OR8J3: variants seen among roughly 807,000 people sequenced by gnomAD.
OR8J3 encodes olfactory receptor family 8 subfamily J member 3.
For missense variants in OR8J3, 418 were observed against 379.8 expected, an observed-to-expected ratio of 1.10 and a Z score of -0.84; for synonymous variants, 170 against 142.6, an observed-to-expected ratio of 1.19 and a Z score of -1.37.
chr11:56,135,555 T>C lies in OR8J3; in HGVS notation c.*1216A>G, dbSNP rs1854322423. On this transcript the variant is annotated 3_prime_UTR_variant, in exon 2 of 2. Transcript: ENST00000642058. The stretch of plus-strand genomic sequence containing the variant: ...GTGTTTTGTTTCCTTTTTAATATTA[T>C]AATTATTCATATCATTCATAATTAT... 1 of 151,992 alleles carries C rather than the reference T, an allele frequency of 6.6e-6. No individual in the cohort carries two copies. The highest frequency in any genetic ancestry group is 6.6e-5 in the Admixed American group (1 of 15,264). The allele number at this position is 151,992 out of a possible 1,614,324, so 9.4% of individuals were successfully genotyped here.
In OR8J3 at chr11:56,137,661, A is replaced by C; in HGVS notation, c.58T>G (p.Cys20Gly). 1 of 1,613,472 alleles carries C rather than the reference A, an allele frequency of 6.2e-7. No individual in the cohort carries two copies. Among genetic ancestry groups the C allele is most frequent in the Non-Finnish European group, 8.5e-7 (1 of 1,179,816 alleles). Residue 20 changes from cysteine (C) to glycine (G), a missense_variant, in exon 2 of 2, where the codon TGT (cysteine) becomes GGT (glycine). Transcript: ENST00000642058. ...AAGAGGGGAATCTGGAGCTCTGGAC[A>C]GCTAGAGACACCTGTGAGAATAAAC... is the stretch of plus-strand genomic sequence containing the variant. ...TEFILTGVSS[C>G]PELQIPLFLV...
In OR8J3 at chr11:56,138,359, T is replaced by G. The variant is rs181894776; in HGVS notation, c.-641A>C. ...CAGGTAGCTGTTTCTCTTCTTAGGT[T>G]TCCATAAATAATATCAGTAAAATTT... On this transcript the variant is annotated 5_prime_UTR_variant, in exon 2 of 2. Coordinates refer to ENST00000642058, the MANE Select transcript of OR8J3 (RefSeq NM_001004064.2). 1.3e-5 allele frequency: 2 copies of G among 152,246 alleles called. No individual in the cohort carries two copies. The highest frequency in any genetic ancestry group is 3.9e-4 in the East Asian group (2 of 5,178). 9.4% of individuals were successfully genotyped at this position (152,246 alleles called of 1,614,324 possible). A position where few individuals can be genotyped will look rare whatever the true frequency, so the allele number is the denominator to read the frequency against.
chr11:56,138,180 C>G lies in OR8J3; in HGVS notation c.-462G>C, dbSNP rs1854354469. On this transcript the variant is annotated 5_prime_UTR_variant, in exon 2 of 2. Coordinates refer to ENST00000642058, the MANE Select transcript of OR8J3 (RefSeq NM_001004064.2). ...CTTTGCCTCAAGACTAGGTACTATA[C>G]TCTTCATTTTAAGAATTATATCCTT... 1 of 156,862 alleles carries G rather than the reference C, an allele frequency of 6.4e-6. No individual in the cohort carries two copies. Among genetic ancestry groups the G allele is most frequent in the East Asian group, 1.9e-4 (1 of 5,278 alleles). 9.7% of individuals were successfully genotyped at this position (156,862 alleles called of 1,614,324 possible). A position where few individuals can be genotyped will look rare whatever the true frequency, so the allele number is the denominator to read the frequency against.
At position 56,138,020 on chromosome 11, in the gene OR8J3, T is replaced by C; in HGVS notation, c.-302A>G. ...TTGCAGTGTAATTGAATTAAGAATA[T>C]GTTCTTAGCTTACAAACATTTGAAG... On this transcript the variant is annotated 5_prime_UTR_variant, in exon 2 of 2. Coordinates refer to ENST00000642058, the MANE Select transcript of OR8J3 (RefSeq NM_001004064.2). 1 of 309,274 alleles carries C rather than the reference T, an allele frequency of 3.2e-6. No homozygotes were observed. Among genetic ancestry groups the C allele is most frequent in the Admixed American group, 4.6e-5 (1 of 21,682 alleles). 19.2% of individuals were successfully genotyped at this position (309,274 alleles called of 1,614,324 possible).
rs1191968654 is a variant in OR8J3, at chr11:56,135,583, A to C, written c.*1188T>G. ...TTATTCATATCATTCATAATTATTC[A>C]TATCATAATTATTCATACCATATCA... On this transcript the variant is annotated 3_prime_UTR_variant, in exon 2 of 2. Transcript: ENST00000642058. 2.6e-5 allele frequency: 4 copies of C among 151,952 alleles called. No individual in the cohort carries two copies. Among genetic ancestry groups the C allele is most frequent in the African/African-American group, 9.7e-5 (4 of 41,414 alleles). 9.4% of individuals were successfully genotyped at this position (151,952 alleles called of 1,614,324 possible). A position where few individuals can be genotyped will look rare whatever the true frequency, so the allele number is the denominator to read the frequency against.
Position 56,135,961 on chromosome 11 carries a change from GAACA to G in OR8J3, c.*806_*809del, listed in dbSNP as rs759917725. On this transcript the variant is annotated 3_prime_UTR_variant, in exon 2 of 2. Transcript: ENST00000642058. ...CTGATCAAAAACTATCAGAAAAAAA[GAACA>G]AAAATTCAAAAAATATTTCTGATGA... 2 of 151,640 alleles carry G rather than the reference GAACA, an allele frequency of 1.3e-5. No individual in the cohort carries two copies. The highest frequency in any genetic ancestry group is 3.0e-5 in the Non-Finnish European group (2 of 67,790). The allele number at this position is 151,640 out of a possible 1,614,324, so 9.4% of individuals were successfully genotyped here. A position where few individuals can be genotyped will look rare whatever the true frequency, so the allele number is the denominator to read the frequency against.
In OR8J3 at chr11:56,136,634, G is replaced by A. The variant is rs886704115; in HGVS notation, c.*137C>T. ...CTCTCATAACTCAAAATGTTTCCAT[G>A]TATTTTTTTTAATTCAATGATCTTT... On this transcript the variant is annotated 3_prime_UTR_variant, in exon 2 of 2. Transcript: ENST00000642058. 1 of 509,438 alleles carries A rather than the reference G, an allele frequency of 2.0e-6. No homozygotes were observed. Among genetic ancestry groups the A allele is most frequent in the African/African-American group, 2.0e-5 (1 of 50,490 alleles). 31.6% of individuals were successfully genotyped at this position (509,438 alleles called of 1,614,324 possible).
At chr11:56,138,841 T>G (rs1192192890) in intron 1 of OR8J3, among the ~76,000 whole-genome samples, 1 of 152,202 alleles carries the variant, frequency 6.6e-6, no homozygotes, top group Non-Finnish European at 1.5e-5. Context: ...GTTTTTTTCA[T>G]GATTTTTCTT....
At position 56,137,336 on chromosome 11, in the gene OR8J3, T is replaced by A. The variant is rs1854342998; in HGVS notation, c.383A>T (p.Asn128Ile). The A allele has an allele frequency of 1.2e-6, 2 of 1,612,484 alleles. No homozygotes were observed. Among genetic ancestry groups the A allele is most frequent in the Admixed American group, 1.7e-5 (1 of 59,892 alleles). ...MAYDRYVAIC[N>I]PLLYMVVVSR... is the part of the protein sequence containing the mutation. ...CACCACCACCATGTAGAGCAGAGGG[T>A]TACAAATGGCCACATAGCGGTCATA... Residue 128 changes from asparagine to isoleucine, a missense_variant, in exon 2 of 2, where the codon AAC becomes ATC. Transcript: ENST00000642058.
chr11:56,139,207 A>G (rs1361295567), intron 1 of OR8J3, among the ~76,000 whole-genome samples: 1 of 152,194 alleles, frequency 6.6e-6, no homozygotes, highest in Non-Finnish European at 1.5e-5. Context: ...TAAAGTTCAC[A>G]ATTAAGTTCC....
At position 56,137,653 on chromosome 11, in the gene OR8J3, C is replaced by T. The variant is rs549183604; in HGVS notation, c.66G>A (p.Glu22=). The T allele has an allele frequency of 1.2e-6, 2 of 1,614,088 alleles. No individual in the cohort carries two copies. The highest frequency in any genetic ancestry group is 1.7e-6 in the Non-Finnish European group (2 of 1,179,994). ...AGACCAGGAAGAGGGGAATCTGGAG[C>T]TCTGGACAGCTAGAGACACCTGTGA... ...FILTGVSSCP[E]LQIPLFLVFL... The change falls in exon 2 of 2, where the codon GAG becomes GAA. Residue 22 remains glutamate, a synonymous_variant. Transcript: ENST00000642058.
chr11:56,140,070 G>A (rs1854373978), intron 1 of OR8J3, 103 bp downstream of exon 1: 1 of 152,260 alleles, frequency 6.6e-6, no homozygotes. Context: ...TATTGCAAGG[G>A]AGGAAATAGT....
chr11:56,137,596 CCCT>C lies in OR8J3; in HGVS notation c.120_122del (p.Gly41del). ...TGGTGAGGGTGATGATGCCCAGGTT[CCCT>C]GCCATGGTCAGCACATAGAGCACTA... On this transcript the variant is annotated inframe_deletion, in exon 2 of 2. Transcript: ENST00000642058. The C allele has an allele frequency of 6.2e-7, 1 of 1,614,038 alleles. No homozygotes were observed. The highest frequency in any genetic ancestry group is 8.5e-7 in the Non-Finnish European group (1 of 1,180,026).
chr11:56,137,487 C>T lies in OR8J3; in HGVS notation c.232G>A (p.Ala78Thr). Residue 78 changes from alanine to threonine, a missense_variant, in exon 2 of 2, where the codon GCC becomes ACC. By Grantham distance (58) the Ala-to-Thr change is moderately conservative. Coordinates refer to ENST00000642058, the MANE Select transcript of OR8J3 (RefSeq NM_001004064.2). ...IINLGNSTVI[A>T]PKMLMNFLVK... Reference sequence around the variant, plus strand: ...AAAAAGTTCATCAGCATTTTAGGGGCAATGACAGTAGAGTTGCCAAGATTG... The same window carrying T: ...AAAAAGTTCATCAGCATTTTAGGGGTAATGACAGTAGAGTTGCCAAGATTG... 7 of 1,614,184 alleles carry T rather than the reference C, an allele frequency of 4.3e-6. No individual in the cohort carries two copies. The highest frequency in any genetic ancestry group is 5.1e-6 in the Non-Finnish European group (6 of 1,180,044).
rs1238923912 is a variant in OR8J3, at chr11:56,137,315, A to G, written c.404T>C (p.Val135Ala). The G allele has an allele frequency of 2.7e-5, 44 of 1,614,024 alleles. No homozygotes were observed. The highest frequency in any genetic ancestry group is 3.5e-5 in the Non-Finnish European group (41 of 1,179,988). The change falls in exon 2 of 2, where the codon GTG becomes GCG. Residue 135 changes from valine to alanine, a missense_variant. By Grantham distance (64) the Val-to-Ala change is moderately conservative. Transcript: ENST00000642058. ...AICNPLLYMV[V>A]VSRRLCLLLV... The stretch of plus-strand genomic sequence containing the variant: ...CAGGAGGCAGAGCCGCCGAGACACC[A>G]CCACCATGTAGAGCAGAGGGTTACA...
chr11:56,138,316 C>G lies in OR8J3; in HGVS notation c.-598G>C, dbSNP rs561180273. The stretch of plus-strand genomic sequence containing the variant: ...CTCAAACAAAAATACATGGATAAAT[C>G]TCTTCAGATCTATTTTTCAGGTAGC... On this transcript the variant is annotated 5_prime_UTR_variant, in exon 2 of 2. Coordinates refer to ENST00000642058, the MANE Select transcript of OR8J3 (RefSeq NM_001004064.2). The G allele has an allele frequency of 6.6e-6, 1 of 152,252 alleles. No homozygotes were observed. Among genetic ancestry groups the G allele is most frequent in the East Asian group, 1.9e-4 (1 of 5,188 alleles). 9.4% of individuals were successfully genotyped at this position (152,252 alleles called of 1,614,324 possible). A position where few individuals can be genotyped will look rare whatever the true frequency, so the allele number is the denominator to read the frequency against.
At position 56,135,279 on chromosome 11, in the gene OR8J3, A is replaced by T. The variant is rs1346226208; in HGVS notation, c.*1492T>A. The T allele has an allele frequency of 1.3e-5, 2 of 152,052 alleles. No individual in the cohort carries two copies. Among genetic ancestry groups the T allele is most frequent in the Non-Finnish European group, 2.9e-5 (2 of 67,892 alleles). 9.4% of individuals were successfully genotyped at this position (152,052 alleles called of 1,614,324 possible). ...CCAAAGATGACCTTTTATAAAAAAA[A>T]AAATTATGATGGAAATGTAATGCAC... On this transcript the variant is annotated 3_prime_UTR_variant, in exon 2 of 2. Coordinates refer to ENST00000642058, the MANE Select transcript of OR8J3 (RefSeq NM_001004064.2).
Position 56,137,248 on chromosome 11 carries a change from A to G in OR8J3, c.471T>C (p.Ile157=), listed in dbSNP as rs749250964. The change falls in exon 2 of 2, where the codon ATT becomes ATC. Residue 157 remains isoleucine (I), a synonymous_variant. Coordinates refer to ENST00000642058, the MANE Select transcript of OR8J3 (RefSeq NM_001004064.2). ...LTYLYGFSTA[I]VVSPCIFSVS... is the part of the protein sequence containing the mutation. ...CAGAGAATATACAAGGTGAAACCACAATAGCTGTAGAAAAGCCATAGAGGT... is the reference window on the plus strand; with the variant it reads ...CAGAGAATATACAAGGTGAAACCACGATAGCTGTAGAAAAGCCATAGAGGT... The G allele has an allele frequency of 5.3e-5, 85 of 1,614,054 alleles. No homozygotes were observed. The highest frequency in any genetic ancestry group is 7.2e-5 in the Non-Finnish European group (85 of 1,180,022).
chr11:56,135,401 C>A lies in OR8J3; in HGVS notation c.*1370G>T, dbSNP rs1271221443. The A allele has an allele frequency of 6.6e-6, 1 of 151,940 alleles. No homozygotes were observed. The highest frequency in any genetic ancestry group is 1.5e-5 in the Non-Finnish European group (1 of 67,868). 9.4% of individuals were successfully genotyped at this position (151,940 alleles called of 1,614,324 possible). On this transcript the variant is annotated 3_prime_UTR_variant, in exon 2 of 2. Coordinates refer to ENST00000642058, the MANE Select transcript of OR8J3 (RefSeq NM_001004064.2). Reference sequence around the variant, plus strand: ...ACAAGATAGCTTTTTCCTGCCTTTTCATTCTTTCACTAAGTGGAAGAAAGA... The same window carrying A: ...ACAAGATAGCTTTTTCCTGCCTTTTAATTCTTTCACTAAGTGGAAGAAAGA...
Sources: allele counts gnomAD v4.1 joint callset (sites outside exome capture counted in the v4.1 genomes callset), GRCh38; gene constraint gnomAD v4.1.1; transcripts MANE v1.5; gene names NCBI Gene and HGNC (gene_info 2026-07-23, HGNC 2026-07-21).